Variants in PPP2R2A observed in about 807,000 individuals in gnomAD.
The protein encoded by PPP2R2A is serine/threonine-protein phosphatase 2A 55 kDa regulatory subunit B alpha isoform.
Under a neutral mutation model 53.2 loss-of-function variants are expected in PPP2R2A, and 9 were observed. The ratio of observed to expected loss-of-function variants is 0.17; its 90% CI spans 0.10 to 0.30. The LOEUF is 0.30. Among genes scored for constraint, PPP2R2A ranks in the 10% least tolerant of loss-of-function variants. PPP2R2A has a pLI of 1.00. For missense variants in PPP2R2A, 235 were observed against 534.6 expected (o/e 0.44, Z 5.53); for synonymous variants, 169 against 174.2 (o/e 0.97, Z 0.23).
At chr8:26,355,827 G>GCCATTGCACT (rs1340437936) in intron 4 of PPP2R2A, among the ~76,000 whole-genome samples, 10 of 149,762 alleles carry the variant, frequency 6.7e-5, no homozygotes, top group African/African-American at 2.5e-4. Flanking sequence ...CCGAGATCGC[G>GCCATTGCACT]CCATTGCACT....
chr8:26,337,888 T>G (rs1803748008), intron 2 of PPP2R2A, among the ~76,000 whole-genome samples: 1 of 152,194 alleles, frequency 6.6e-6, no homozygotes, highest in African/African-American at 2.4e-5. Context: ...TTTAAAAAAT[T>G]GCTAAAAGAA....
intron 2 of PPP2R2A, among the ~76,000 whole-genome samples, chr8:26,330,267 G>A (rs1016666310): frequency 5.4e-5 from 8 of 147,516 alleles, no homozygotes; most frequent in East Asian, 2.0e-4. Flanking sequence ...TTTGTCTTTC[G>A]TCTTTTATTT....
Position 26,336,358 on chromosome 8 carries a change from G to A in PPP2R2A, c.83-2532G>A, listed in dbSNP as rs542930731. Among the ~76,000 whole-genome samples, 35 of 152,240 alleles carry A rather than the reference G, an allele frequency of 2.3e-4. No homozygotes were observed. The South Asian group carries it at 7.1e-3, about 31-fold the overall frequency. On this transcript the variant is annotated intron_variant, in intron 2 of 9. Coordinates refer to ENST00000380737, the MANE Select transcript of PPP2R2A (RefSeq NM_002717.4). ...ATGGGAAGATTGCTTGAACCCGGGA[G>A]GTCAAGGCTGCAGTGAGGTATGATT...
At chr8:26,368,806 T>C (rs376181019) in intron 9 of PPP2R2A, among the ~76,000 whole-genome samples, 10 of 151,848 alleles carry the variant, frequency 6.6e-5, no homozygotes, top group African/African-American at 2.4e-4. Flanking sequence ...AACCCTGTCT[T>C]GAAAAATACA....
intron 3 of PPP2R2A, among the ~76,000 whole-genome samples, chr8:26,343,096 C>T (rs1317898829): frequency 1.3e-5 from 2 of 151,956 alleles, no homozygotes; most frequent in Non-Finnish European, 2.9e-5. Flanking sequence ...ATCACTTGAA[C>T]CTAGGAGGCG....
intron 8 of PPP2R2A, 133 bp downstream of exon 8, chr8:26,364,023 A>AT: frequency 2.8e-6 from 2 of 714,300 alleles, no homozygotes; most frequent in Non-Finnish European, 4.2e-6. Flanking sequence ...TCAGAGATCT[A>AT]TGAGTATGTT....
chr8:26,291,609 A>T lies in PPP2R2A; in HGVS notation c.-211A>T. 1.7e-6 allele frequency: 1 copy of T among 574,512 alleles called. No homozygotes were observed. Among genetic ancestry groups the T allele is most frequent in the Non-Finnish European group, 3.1e-6 (1 of 326,830 alleles). The allele number at this position is 574,512 out of a possible 1,614,324, so 35.6% of individuals were successfully genotyped here. On this transcript the variant is annotated 5_prime_UTR_variant, in exon 1 of 10. Coordinates refer to ENST00000380737, the MANE Select transcript of PPP2R2A (RefSeq NM_002717.4). Reference sequence around the variant, plus strand: ...CCGCCGCCGCTGCCGGAGAAAGAGCACGAGCGGGGAAGCCCCAGAGTGAAA... The same window carrying T: ...CCGCCGCCGCTGCCGGAGAAAGAGCTCGAGCGGGGAAGCCCCAGAGTGAAA...
At chr8:26,316,124 C>A (rs1228948848) in intron 2 of PPP2R2A, among the ~76,000 whole-genome samples, 1 of 152,152 alleles carries the variant, frequency 6.6e-6, no homozygotes, top group Non-Finnish European at 1.5e-5. Context: ...CCTGCCTCAG[C>A]CTCCCGAGTA....
chr8:26,301,043 G>A (rs1801760015), intron 2 of PPP2R2A, among the ~76,000 whole-genome samples: 1 of 152,164 alleles, frequency 6.6e-6, no homozygotes, highest in African/African-American at 2.4e-5. Flanking sequence ...AATACCCTGT[G>A]AAATAAGTAG....
At chr8:26,324,514 A>G (rs559705342) in intron 2 of PPP2R2A, among the ~76,000 whole-genome samples, 1 of 152,308 alleles carries the variant, frequency 6.6e-6, no homozygotes, top group African/African-American at 2.4e-5. Flanking sequence ...ACGTGTGGAA[A>G]TGCCTGGATG....
At chr8:26,346,701 T>C (rs907734533) in intron 3 of PPP2R2A, among the ~76,000 whole-genome samples, 2 of 152,200 alleles carry the variant, frequency 1.3e-5, no homozygotes, top group Non-Finnish European at 2.9e-5. Flanking sequence ...TTGATCAGAA[T>C]AGTTGTTGTT....
intron 2 of PPP2R2A, among the ~76,000 whole-genome samples, chr8:26,337,711 G>C (rs1480078247): frequency 6.6e-6 from 1 of 152,190 alleles, no homozygotes; most frequent in Non-Finnish European, 1.5e-5. Context: ...TTGAGTTGTT[G>C]TCCAAACAGT....
chr8:26,340,478 T>A (rs1470860357), intron 3 of PPP2R2A, among the ~76,000 whole-genome samples: 1 of 152,138 alleles, frequency 6.6e-6, no homozygotes, highest in East Asian at 1.9e-4. Context: ...ACTTTACTTT[T>A]ATTTTAAAGA....
chr8:26,298,540 A>AT (rs1801642041), intron 2 of PPP2R2A: 2 of 152,164 alleles, frequency 1.3e-5, no homozygotes, highest in Admixed American at 6.5e-5. Flanking sequence ...CAGTGCTTAA[A>AT]TTGTTATGAC....
intron 3 of PPP2R2A, among the ~76,000 whole-genome samples, chr8:26,346,878 A>T (rs1301746189): frequency 1.3e-5 from 2 of 152,170 alleles, no homozygotes; most frequent in African/African-American, 4.8e-5. Context: ...ATCCGATCTT[A>T]TTTGTTATTT....
chr8:26,350,564 C>T (rs1345734049), intron 3 of PPP2R2A: 1 of 152,094 alleles, frequency 6.6e-6, no homozygotes, highest in Non-Finnish European at 1.5e-5. Flanking sequence ...CAACACTTGA[C>T]TAATTTTTTT....
intron 3 of PPP2R2A, among the ~76,000 whole-genome samples, chr8:26,343,757 A>G (rs1381096809): frequency 6.6e-6 from 1 of 152,240 alleles, no homozygotes; most frequent in Non-Finnish European, 1.5e-5. Context: ...TGAGTAATAT[A>G]TGTTTTAAGT....
intron 2 of PPP2R2A, among the ~76,000 whole-genome samples, chr8:26,318,173 CT>C (rs1208041375): frequency 2.0e-5 from 3 of 152,180 alleles, no homozygotes; most frequent in Non-Finnish European, 2.9e-5. Context: ...GCTACAGCTA[CT>C]AATTCTTAGA....
At chr8:26,359,053 G>A (rs540220196) in intron 4 of PPP2R2A, 4 of 430,622 alleles carry the variant, frequency 9.3e-6, no homozygotes, top group Middle Eastern at 3.4e-4. Context: ...TTGATACCAT[G>A]TATCCCTTTG....
Sources: gnomAD v4.1 joint callset for allele counts (sites outside exome capture counted in the v4.1 genomes callset) on GRCh38, gnomAD v4.1.1 for gene constraint, MANE v1.5 for transcripts, NCBI Gene and HGNC (gene_info 2026-07-23, HGNC 2026-07-21) for gene names.